GPC6: variants seen among roughly 807,000 people sequenced by gnomAD.
GPC6 encodes glypican-6.
Under a neutral mutation model 55.2 loss-of-function variants are expected in GPC6, and 14 were observed. The ratio of observed to expected loss-of-function variants is 0.25; its 90% CI spans 0.17 to 0.40. The LOEUF is 0.40. GPC6 is among the 10% of genes least tolerant of loss of function. GPC6 has a pLI of 1.00. For synonymous variants in GPC6, 278 were observed against 259.6 expected, an observed-to-expected ratio of 1.07 and a Z score of -0.68; for missense variants, 641 against 708.5, an observed-to-expected ratio of 0.90 and a Z score of 1.08.
chr13:94,167,448 G>A (rs2138923752), intron 4 of GPC6, among the ~76,000 whole-genome samples: 1 of 152,220 alleles, frequency 6.6e-6, no homozygotes, highest in Middle Eastern at 3.4e-3. Flanking sequence ...TGTTTAAATG[G>A]TCATCTAAGA....
chr13:94,169,783 G>A (rs966703107), intron 4 of GPC6, among the ~76,000 whole-genome samples: 14 of 152,114 alleles, frequency 9.2e-5, no homozygotes, highest in Non-Finnish European at 8.8e-5. Flanking sequence ...CACAGAGAAC[G>A]TCACAGAGAG....
At chr13:93,553,575 A>G (rs1184609127) in intron 2 of GPC6, among the ~76,000 whole-genome samples, 3 of 151,640 alleles carry the variant, frequency 2.0e-5, no homozygotes, top group Non-Finnish European at 4.4e-5. Context: ...TGCGCCTGTA[A>G]TCCCAGCTAC....
At chr13:93,544,744 A>C (rs1874685033) in intron 1 of GPC6, among the ~76,000 whole-genome samples, 1 of 152,226 alleles carries the variant, frequency 6.6e-6, no homozygotes, top group Non-Finnish European at 1.5e-5. Context: ...AAGAAATGTC[A>C]ACTTAGCGAA....
intron 3 of GPC6, among the ~76,000 whole-genome samples, chr13:93,892,251 T>C (rs1277677240): frequency 6.6e-6 from 1 of 152,100 alleles, no homozygotes; most frequent in Non-Finnish European, 1.5e-5. Context: ...AGAGTGAACA[T>C]GGATATGGGA....
At chr13:93,568,324 T>C (rs1472111541) in intron 2 of GPC6, among the ~76,000 whole-genome samples, 1 of 152,204 alleles carries the variant, frequency 6.6e-6, no homozygotes, top group Non-Finnish European at 1.5e-5. Context: ...TCTTTTTAAT[T>C]GTTATGTTCA....
intron 2 of GPC6, among the ~76,000 whole-genome samples, chr13:93,789,482 A>ACT (rs766627327): frequency 0.11 from 6,301 of 59,472 alleles, 384 homozygotes; most frequent in East Asian, 0.26. Flanking sequence ...ATGTGAGTGA[A>ACT]CTCTCTCTCT....
intron 2 of GPC6, among the ~76,000 whole-genome samples, chr13:93,619,007 A>C (rs1566452631): frequency 1.3e-5 from 2 of 152,134 alleles, no homozygotes; most frequent in African/African-American, 4.8e-5. Context: ...ACTGTACTGA[A>C]TACTGTAGGC....
intron 2 of GPC6, among the ~76,000 whole-genome samples, chr13:93,626,009 T>G (rs1445498027): frequency 6.6e-6 from 1 of 152,190 alleles, no homozygotes; most frequent in Non-Finnish European, 1.5e-5. Context: ...GCATGATTTT[T>G]TTTTGTTCCA....
intron 4 of GPC6, among the ~76,000 whole-genome samples, chr13:94,094,027 G>A (rs943749836): frequency 6.7e-6 from 1 of 150,096 alleles, no homozygotes; most frequent in Admixed American, 6.7e-5. Flanking sequence ...AAATACTTAA[G>A]GAAAATAAAT....
chr13:94,306,580 G>A (rs1238129797), intron 6 of GPC6, among the ~76,000 whole-genome samples: 1 of 151,900 alleles, frequency 6.6e-6, no homozygotes, highest in African/African-American at 2.4e-5. Context: ...CCAAATCAAT[G>A]TTACTATCAT....
At chr13:94,039,511 T>C (rs1170895975) in intron 4 of GPC6, among the ~76,000 whole-genome samples, 1 of 151,870 alleles carries the variant, frequency 6.6e-6, no homozygotes, top group Non-Finnish European at 1.5e-5. Context: ...GATAAGTGCC[T>C]GAGAGAAAGA....
Position 94,398,578 on chromosome 13 carries a change from C to G in GPC6, c.1402C>G (p.Arg468Gly). 6.2e-7 allele frequency: 1 copy of G among 1,613,906 alleles called. No individual in the cohort carries two copies. Among genetic ancestry groups the G allele is most frequent in the Non-Finnish European group, 8.5e-7 (1 of 1,179,822 alleles). Residue 468 changes from arginine (R) to glycine (G), a missense_variant, in exon 8 of 9, where the codon CGT (arginine) becomes GGT (glycine). Arg to Gly is a moderately radical substitution (Grantham distance 125, BLOSUM62 -2). Coordinates refer to ENST00000377047, the MANE Select transcript of GPC6 (RefSeq NM_005708.5). ...TFIRQQIMAL[R>G]VMTNKLKNAY... The stretch of plus-strand genomic sequence containing the variant: ...CATCAGACAGCAGATTATGGCTCTC[C>G]GTGTGATGACCAACAAACTAAAAAA...
intron 3 of GPC6, among the ~76,000 whole-genome samples, chr13:93,844,429 G>A (rs1405270180): frequency 6.6e-6 from 1 of 152,144 alleles, no homozygotes; most frequent in Admixed American, 6.5e-5. Flanking sequence ...GAGCCATCAC[G>A]CCTGGCCGGT....
rs11839346 is a variant in GPC6, at chr13:93,972,501, C to T, written c.712-55228C>T. On this transcript the variant is annotated intron_variant, in intron 3 of 8. Coordinates refer to ENST00000377047, the MANE Select transcript of GPC6 (RefSeq NM_005708.5). ...GCATCCTAAGGTGCTTTCAGGTTCC[C>T]CCCACTCCCACCATGTAGACTTTTC... is the stretch of plus-strand genomic sequence containing the variant. 7.7e-3 allele frequency among the ~76,000 whole-genome samples: 1,171 copies of T among 152,150 alleles called. 16 individuals carry two copies. Among genetic ancestry groups the T allele is most frequent in the African/African-American group, 0.027 (1,118 of 41,512 alleles).
intron 2 of GPC6, among the ~76,000 whole-genome samples, chr13:93,765,647 C>A (rs1885109909): frequency 6.6e-6 from 1 of 152,028 alleles, no homozygotes; most frequent in African/African-American, 2.4e-5. Flanking sequence ...AATTATTGTC[C>A]CACTTAACAA....
chr13:94,043,114 C>T (rs1883600362), intron 4 of GPC6, among the ~76,000 whole-genome samples: 1 of 151,688 alleles, frequency 6.6e-6, no homozygotes, highest in African/African-American at 2.4e-5. Context: ...TCATTTTTAC[C>T]ATTACAAGAT....
intron 1 of GPC6, among the ~76,000 whole-genome samples, chr13:93,375,528 C>T (rs1405366472): frequency 6.6e-6 from 1 of 152,180 alleles, no homozygotes; most frequent in African/African-American, 2.4e-5. Flanking sequence ...GAGGGGAATG[C>T]GGGTCACCGT....
At chr13:93,690,605 C>T (rs139831686) in intron 2 of GPC6, among the ~76,000 whole-genome samples, 2 of 151,838 alleles carry the variant, frequency 1.3e-5, no homozygotes, top group East Asian at 1.9e-4. Flanking sequence ...TCTAAGACTG[C>T]GTTACTTTCT....
In GPC6 at chr13:93,976,686, C is replaced by G. The variant is rs565371090; in HGVS notation, c.712-51043C>G. Among the ~76,000 whole-genome samples, 443 of 151,570 alleles carry G rather than the reference C, an allele frequency of 2.9e-3. 3 individuals are homozygous for G. The highest frequency in any genetic ancestry group is 5.5e-3 in the Non-Finnish European group (374 of 67,780). ...CTGTGACTAGAAGCTCATGGCACCCCCTCCCTTGGTGGGCCATCTCAGTTC... is the reference window on the plus strand; with the variant it reads ...CTGTGACTAGAAGCTCATGGCACCCGCTCCCTTGGTGGGCCATCTCAGTTC... On this transcript the variant is annotated intron_variant, in intron 3 of 8. Coordinates refer to ENST00000377047, the MANE Select transcript of GPC6 (RefSeq NM_005708.5).
Sources: gnomAD v4.1 joint callset for allele counts (sites outside exome capture counted in the v4.1 genomes callset) on GRCh38, gnomAD v4.1.1 for gene constraint, MANE v1.5 for transcripts, NCBI Gene and HGNC (gene_info 2026-07-23, HGNC 2026-07-21) for gene names.